Variants in TBC1D2 observed in about 807,000 individuals in gnomAD.
TBC1D2 encodes the protein TBC1 domain family member 2A.
TBC1D2 carries 58 observed loss-of-function variants against 91.1 expected under a neutral mutation model. That is an observed-to-expected ratio of 0.64 (90% CI 0.52 to 0.79). TBC1D2 has a LOEUF of 0.79. Among genes scored for constraint, TBC1D2 ranks in the 30% least tolerant of loss-of-function variants. The pLI is 0.00. For synonymous variants in TBC1D2, 482 were observed against 511.5 expected (o/e 0.94, Z 0.78); for missense variants, 1,080 against 1,208.3 (o/e 0.89, Z 1.57).
At chr9:98,208,239 C>A (rs536212889) in intron 9 of TBC1D2, among the ~76,000 whole-genome samples, 1 of 152,110 alleles carries the variant, frequency 6.6e-6, no homozygotes, top group African/African-American at 2.4e-5. Context: ...AACCTAGGCT[C>A]ATGTCTTCAG....
chr9:98,248,921 G>A (rs1309629478), intron 2 of TBC1D2, among the ~76,000 whole-genome samples: 1 of 152,208 alleles, frequency 6.6e-6, no homozygotes, highest in Non-Finnish European at 1.5e-5. Context: ...CTTAAAAGCA[G>A]GAGAGAACAT....
rs1377067174 is a variant in TBC1D2 at position 98,199,518 on chromosome 9, C to A, written c.2650G>T (p.Val884Phe). Reference sequence around the variant, plus strand: ...TCAGCCTCCAGCCGCTCCCGGTGGACCATGCGCAGCTGCCGCAGCTGTTTC... The same window carrying A: ...TCAGCCTCCAGCCGCTCCCGGTGGAACATGCGCAGCTGCCGCAGCTGTTTC... ...RMKQLRQLRM[V>F]HRERLEAELR... The change falls in exon 13 of 13, where the codon GTC becomes TTC. Residue 884 changes from valine to phenylalanine, a missense_variant. Coordinates refer to ENST00000465784, the MANE Select transcript of TBC1D2 (RefSeq NM_001267571.2). 1.2e-6 allele frequency: 2 copies of A among 1,614,198 alleles called. No individual in the cohort carries two copies. The highest frequency in any genetic ancestry group is 1.7e-5 in the Admixed American group (1 of 60,032).
rs1238136971 is a variant in TBC1D2 at position 98,213,533 on chromosome 9, C to T, written c.1375-315G>A. 2.7e-5 allele frequency: 16 copies of T among 585,590 alleles called. No individual in the cohort carries two copies. The East Asian group carries it at 1.1e-3, about 39-fold the overall frequency. The allele number at this position is 585,590 out of a possible 1,614,324, so 36.3% of individuals were successfully genotyped here. A position where few individuals can be genotyped will look rare whatever the true frequency, so the allele number is the denominator to read the frequency against. Reference sequence around the variant, plus strand: ...CATCTGTAAAAGGGGCAAATACCAACTAACCTACTGGGCAGTTGGGAAACT... The same window carrying T: ...CATCTGTAAAAGGGGCAAATACCAATTAACCTACTGGGCAGTTGGGAAACT... On this transcript the variant is annotated intron_variant, in intron 6 of 12. Coordinates refer to ENST00000465784, the MANE Select transcript of TBC1D2 (RefSeq NM_001267571.2).
intron 7 of TBC1D2, 46 bp from the exon 8 acceptor site, chr9:98,210,889 C>T (rs1379038812): frequency 3.6e-6 from 5 of 1,394,764 alleles, no homozygotes; most frequent in Non-Finnish European, 3.9e-6. Context: ...GGGAGCTGGG[C>T]CGCCCCAGAG....
chr9:98,212,870 C>T (rs1032127811), intron 7 of TBC1D2, among the ~76,000 whole-genome samples: 1 of 152,206 alleles, frequency 6.6e-6, no homozygotes, highest in African/African-American at 2.4e-5. Flanking sequence ...CAGGAACCAG[C>T]CTTATTGGTC....
intron 3 of TBC1D2, among the ~76,000 whole-genome samples, chr9:98,236,135 T>G (rs1829498902): frequency 6.6e-6 from 1 of 152,170 alleles, no homozygotes; most frequent in Non-Finnish European, 1.5e-5. Context: ...TGTATAGAGC[T>G]TTTTAAAATT....
rs747256172 is a variant in TBC1D2 at position 98,221,176 on chromosome 9, C to T, written c.1031G>A (p.Arg344Gln). 35 of 1,560,796 alleles carry T rather than the reference C, an allele frequency of 2.2e-5. No homozygotes were observed. The highest frequency in any genetic ancestry group is 3.3e-4 in the Middle Eastern group (2 of 6,008). ...KALEAAQQEKRASSAYLAAAE... is the reference protein window; with the variant it reads ...KALEAAQQEKQASSAYLAAAE... ...CGCCGCCAGGTATGCGCTGGACGCC[C>T]GCTTCTCCTGCTGGGCGGCCTCCAG... The change falls in exon 6 of 13, where the codon CGG (arginine) becomes CAG (glutamine). Residue 344 changes from arginine to glutamine, a missense_variant. Arg to Gln is a conservative substitution (Grantham distance 43). Coordinates refer to ENST00000465784, the MANE Select transcript of TBC1D2 (RefSeq NM_001267571.2).
intron 6 of TBC1D2, among the ~76,000 whole-genome samples, chr9:98,214,607 G>A (rs10985471): frequency 0.062 from 9,155 of 148,010 alleles, 402 homozygotes; most frequent in African/African-American, 0.096. Context: ...GGATGACTCC[G>A]ACGTGGCCAG....
chr9:98,229,226 C>A, intron 4 of TBC1D2, 78 bp from the exon 5 acceptor site: 1 of 1,375,318 alleles, frequency 7.3e-7, no homozygotes, highest in Non-Finnish European at 1.0e-6. Context: ...TTAGAAGCAC[C>A]TGGAGGGCTT....
At chr9:98,251,688 T>TTTTC in intron 2 of TBC1D2, 97 bp downstream of exon 2, 6 of 1,436,124 alleles carry the variant, frequency 4.2e-6, no homozygotes, top group Non-Finnish European at 5.5e-6. Flanking sequence ...CTCTGCTTCC[T>TTTTC]TAGCAGAGGG....
intron 6 of TBC1D2, among the ~76,000 whole-genome samples, chr9:98,220,230 T>G (rs542539364): frequency 6.6e-6 from 1 of 152,204 alleles, no homozygotes; most frequent in Admixed American, 6.5e-5. Context: ...CTCCTTAACC[T>G]TTCTCAGCCT....
intron 3 of TBC1D2, among the ~76,000 whole-genome samples, chr9:98,241,092 T>G (rs1223231230): frequency 1.3e-5 from 2 of 152,194 alleles, no homozygotes. Context: ...GCTCAAATTC[T>G]AAGTGAAACA....
At chr9:98,202,422 C>T (rs190373774) in intron 10 of TBC1D2, among the ~76,000 whole-genome samples, 1 of 152,352 alleles carries the variant, frequency 6.6e-6, no homozygotes, top group Non-Finnish European at 1.5e-5. Flanking sequence ...TCACTTATGT[C>T]CTCTTCCAGG....
intron 7 of TBC1D2, 138 bp downstream of exon 7, chr9:98,212,970 A>G: frequency 1.2e-6 from 1 of 869,382 alleles, no homozygotes; most frequent in Non-Finnish European, 1.8e-6. Context: ...AGAACCTGAT[A>G]TGGGCCCTGC....
Position 98,199,527 on chromosome 9 carries a change from G to A in TBC1D2, c.2641C>T (p.Leu881=). 4 of 1,614,162 alleles carry A rather than the reference G, an allele frequency of 2.5e-6. No individual in the cohort carries two copies. Among genetic ancestry groups the A allele is most frequent in the Non-Finnish European group, 3.4e-6 (4 of 1,180,050 alleles). Residue 881 remains leucine (L), a synonymous_variant, in exon 13 of 13, where the codon CTG becomes TTG. Coordinates refer to ENST00000465784, the MANE Select transcript of TBC1D2 (RefSeq NM_001267571.2). ...AGCCGCTCCCGGTGGACCATGCGCA[G>A]CTGCCGCAGCTGTTTCATGCGGAAG... ...NPFRMKQLRQ[L]RMVHRERLEA...
chr9:98,241,122 C>T (rs1829626644), intron 3 of TBC1D2, among the ~76,000 whole-genome samples: 2 of 152,216 alleles, frequency 1.3e-5, no homozygotes, highest in African/African-American at 4.8e-5. Flanking sequence ...ATTCCACTCA[C>T]TTAATCCTCC....
At chr9:98,233,124 C>G (rs1048941207) in intron 4 of TBC1D2, among the ~76,000 whole-genome samples, 2 of 152,238 alleles carry the variant, frequency 1.3e-5, no homozygotes, top group Admixed American at 6.5e-5. Flanking sequence ...CTTTCGGCCA[C>G]GTGAACACAC....
chr9:98,240,315 A>G (rs1829605720), intron 3 of TBC1D2, among the ~76,000 whole-genome samples: 1 of 152,210 alleles, frequency 6.6e-6, no homozygotes, highest in Non-Finnish European at 1.5e-5. Flanking sequence ...ATTAGAACTC[A>G]GCACTCCCAA....
Position 98,251,771 on chromosome 9 carries a change from A to G in TBC1D2, c.511+14T>C, listed in dbSNP as rs373636067. 11 of 1,570,118 alleles carry G rather than the reference A, an allele frequency of 7.0e-6. No individual in the cohort carries two copies. Among genetic ancestry groups the G allele is most frequent in the Non-Finnish European group, 6.9e-6 (8 of 1,160,260 alleles). On this transcript the variant is annotated intron_variant, in intron 2 of 12. Transcript: ENST00000465784. ...GCCCTGGGTGTGCAGGCAGGAGGGT[A>G]GCCCATTGGGTACCTAGCTCGAGGT...
Sources: allele counts gnomAD v4.1 joint callset (sites outside exome capture counted in the v4.1 genomes callset), GRCh38; gene constraint gnomAD v4.1.1; transcripts MANE v1.5; gene names NCBI Gene and HGNC (gene_info 2026-07-23, HGNC 2026-07-21).